KCNQ1OT1: variants seen among roughly 807,000 people sequenced by gnomAD.
The protein encoded by KCNQ1OT1 is KCNQ1 antisense RNA 2 (non-protein coding).
chr11:2,646,525 T>G (rs915929476), exon 1 of KCNQ1OT1: 6 of 398,512 alleles, frequency 1.5e-5, no homozygotes, highest in African/African-American at 1.0e-4. Context: ...ACTGATTTTT[T>G]GGGGGAGGCA....
chr11:2,648,104 C>G, exon 1 of KCNQ1OT1: 1 of 360,300 alleles, frequency 2.8e-6, no homozygotes. Flanking sequence ...TACTCAGAAG[C>G]TGAGGCAGGA....
exon 1 of KCNQ1OT1, chr11:2,648,985 T>C (rs1161867514): frequency 1.3e-5 from 2 of 158,326 alleles, no homozygotes; most frequent in Non-Finnish European, 2.6e-5. Flanking sequence ...CTTTTTCTTT[T>C]TTTTTTTTTT....
chr11:2,643,990 G>T (rs888829513), exon 1 of KCNQ1OT1: 6 of 398,368 alleles, frequency 1.5e-5, no homozygotes, highest in Non-Finnish European at 2.7e-5. Flanking sequence ...TTGTTCCCTT[G>T]TAAGTGTCTA....
exon 1 of KCNQ1OT1, chr11:2,619,899 A>C (rs2412058): frequency 2.5e-6 from 1 of 397,888 alleles, no homozygotes. Flanking sequence ...GTACAGGTCT[A>C]TATGTTGCAT....
rs1159434283 is a variant in KCNQ1OT1 at position 2,691,282 on chromosome 11, G to C, written n.8713C>G. 5.0e-6 allele frequency: 2 copies of C among 398,476 alleles called. No individual in the cohort carries two copies. Among genetic ancestry groups the C allele is most frequent in the Non-Finnish European group, 8.8e-6 (2 of 226,080 alleles). The allele number at this position is 398,476 out of a possible 1,614,324, so 24.7% of individuals were successfully genotyped here. On this transcript the variant is annotated non_coding_transcript_exon_variant, in exon 1 of 1. Transcript: ENST00000597346. This position sits in a 1 kb window ranked among gnomAD's most constrained non-coding sequence, Gnocchi z 6.4. ...GCTGTTTGAGCCACTAATCAGGAAG[G>C]AGAGCTGACAAGAAAAAGGCGATGT...
rs1258844160 is a variant in KCNQ1OT1, at chr11:2,653,473, T to C, written n.46522A>G. 2.0e-5 allele frequency: 8 copies of C among 397,684 alleles called. No homozygotes were observed. The highest frequency in any genetic ancestry group is 3.1e-5 in the Non-Finnish European group (7 of 225,942). The allele number at this position is 397,684 out of a possible 1,614,324, so 24.6% of individuals were successfully genotyped here. On this transcript the variant is annotated non_coding_transcript_exon_variant, in exon 1 of 1. Transcript: ENST00000597346. The surrounding 1 kb of genome is among the most constrained non-coding windows in gnomAD (Gnocchi z 5.3). ...TTTGGCTCACACAGCTGGACCCAGC[T>C]GTTTCAGACACAGCTGGACCCCAGA...
In KCNQ1OT1 at chr11:2,682,677, T is replaced by C. The variant is rs1397200038; in HGVS notation, n.17318A>G. 2.5e-6 allele frequency: 1 copy of C among 398,474 alleles called. No individual in the cohort carries two copies. The highest frequency in any genetic ancestry group is 4.4e-6 in the Non-Finnish European group (1 of 226,072). 24.7% of individuals were successfully genotyped at this position (398,474 alleles called of 1,614,324 possible). ...GCTCATGTCCACATGCTATTGTCCATAGAAGCTGGGGTCCAAAGTTGACCA... is the reference window on the plus strand; with the variant it reads ...GCTCATGTCCACATGCTATTGTCCACAGAAGCTGGGGTCCAAAGTTGACCA... On this transcript the variant is annotated non_coding_transcript_exon_variant, in exon 1 of 1. Coordinates refer to ENST00000597346, the Ensembl canonical transcript of KCNQ1OT1. This position sits in a 1 kb window ranked among gnomAD's most constrained non-coding sequence, Gnocchi z 5.8.
chr11:2,697,858 C>G (rs1010742478), exon 1 of KCNQ1OT1: 4 of 398,622 alleles, frequency 1.0e-5, no homozygotes, highest in South Asian at 2.5e-4. Flanking sequence ...TGGACATGCT[C>G]TGATTCGCAA....
chr11:2,631,387 T>C (rs949444085), exon 1 of KCNQ1OT1: 4 of 398,488 alleles, frequency 1.0e-5, no homozygotes, highest in African/African-American at 8.2e-5. Flanking sequence ...TATTTCACTT[T>C]TCATTTCATG....
At chr11:2,686,616 C>T (rs775737846) in exon 1 of KCNQ1OT1, 8 of 398,546 alleles carry the variant, frequency 2.0e-5, no homozygotes, top group Middle Eastern at 6.2e-4. Context: ...TTCACATGAG[C>T]GTGGCTGCCC....
chr11:2,643,853 A>G, exon 1 of KCNQ1OT1: 1 of 398,564 alleles, frequency 2.5e-6, no homozygotes, highest in Non-Finnish European at 4.4e-6. Flanking sequence ...GACGAATATA[A>G]CTTTGCTAAG....
Position 2,657,876 on chromosome 11 carries a change from C to A in KCNQ1OT1, n.42119G>T, listed in dbSNP as rs1849877825. ...GGGTTATAGGTTTAGGGGAAGGAGG[C>A]CAGTGAGGTGAGATGCTTTCCTCAT... On this transcript the variant is annotated non_coding_transcript_exon_variant, in exon 1 of 1. Coordinates refer to ENST00000597346, the Ensembl canonical transcript of KCNQ1OT1. This position sits in a 1 kb window ranked among gnomAD's most constrained non-coding sequence, Gnocchi z 4.8. The A allele has an allele frequency of 1.0e-5, 4 of 398,430 alleles. No homozygotes were observed. Among genetic ancestry groups the A allele is most frequent in the African/African-American group, 2.1e-5 (1 of 48,606 alleles). 24.7% of individuals were successfully genotyped at this position (398,430 alleles called of 1,614,324 possible).
chr11:2,699,983 G>C (rs183841991), exon 1 of KCNQ1OT1: 127 of 398,298 alleles, frequency 3.2e-4, no homozygotes, highest in African/African-American at 1.9e-3. Context: ...GAGGCGACGC[G>C]GCGACCGTTC....
exon 1 of KCNQ1OT1, chr11:2,684,227 C>T (rs1322746986): frequency 1.0e-5 from 4 of 398,520 alleles, no homozygotes; most frequent in Middle Eastern, 1.2e-3. Flanking sequence ...TGTCTGTTAA[C>T]TGACCCTACC....
exon 1 of KCNQ1OT1, chr11:2,684,586 G>A: frequency 2.5e-6 from 1 of 398,670 alleles, no homozygotes; most frequent in Non-Finnish European, 4.4e-6. Flanking sequence ...GCAGAGGAGA[G>A]TGACTGTCCT....
chr11:2,682,400 C>A lies in KCNQ1OT1; in HGVS notation n.17595G>T, dbSNP rs887722791. The A allele has an allele frequency of 3.0e-5, 12 of 398,494 alleles. No homozygotes were observed. The Admixed American group carries it at 4.4e-4, about 15-fold the overall frequency. 24.7% of individuals were successfully genotyped at this position (398,494 alleles called of 1,614,324 possible). A position where few individuals can be genotyped will look rare whatever the true frequency, so the allele number is the denominator to read the frequency against. ...CAAGGAGCATGAGGGTATAGGCTGG[C>A]TGTTTCTATTCAGTGTTTTATCTTC... On this transcript the variant is annotated non_coding_transcript_exon_variant, in exon 1 of 1. Transcript: ENST00000597346. This position sits in a 1 kb window ranked among gnomAD's most constrained non-coding sequence, Gnocchi z 5.8.
chr11:2,671,163 A>G lies in KCNQ1OT1; in HGVS notation n.28832T>C. 1 of 398,646 alleles carries G rather than the reference A, an allele frequency of 2.5e-6. No individual in the cohort carries two copies. The highest frequency in any genetic ancestry group is 4.4e-6 in the Non-Finnish European group (1 of 226,090). The allele number at this position is 398,646 out of a possible 1,614,324, so 24.7% of individuals were successfully genotyped here. ...GGGAGGCCTGAGGTGCCATCTTAGA[A>G]ATAGGGCCTTGTTAGGAGAAAAGGA... On this transcript the variant is annotated non_coding_transcript_exon_variant, in exon 1 of 1. Coordinates refer to ENST00000597346, the Ensembl canonical transcript of KCNQ1OT1. This position sits in a 1 kb window ranked among gnomAD's most constrained non-coding sequence, Gnocchi z 4.7.
chr11:2,672,207 A>C (rs1850195989), exon 1 of KCNQ1OT1: 1 of 398,440 alleles, frequency 2.5e-6, no homozygotes. Context: ...TGTTAAGTTA[A>C]ATTGAATTCC....
chr11:2,652,148 C>G lies in KCNQ1OT1; in HGVS notation n.47847G>C, dbSNP rs185446735. The G allele has an allele frequency of 2.5e-6, 1 of 398,492 alleles. No homozygotes were observed. Among genetic ancestry groups the G allele is most frequent in the South Asian group, 1.3e-4 (1 of 7,856 alleles). 24.7% of individuals were successfully genotyped at this position (398,492 alleles called of 1,614,324 possible). A position where few individuals can be genotyped will look rare whatever the true frequency, so the allele number is the denominator to read the frequency against. The stretch of plus-strand genomic sequence containing the variant: ...GGAAGGGACCTGTGTTTCTCAAGCC[C>G]GCGCCCTCGGGGCCTGGGGGTGGGG... On this transcript the variant is annotated non_coding_transcript_exon_variant, in exon 1 of 1. Coordinates refer to ENST00000597346, the Ensembl canonical transcript of KCNQ1OT1. This position sits in a 1 kb window ranked among gnomAD's most constrained non-coding sequence, Gnocchi z 5.9.
Sources: gnomAD v4.1 joint callset for allele counts on GRCh38, gnomAD v4.1.1 for gene constraint, Gnocchi (gnomAD v3.1) non-coding constraint, MANE v1.5 for transcripts, NCBI Gene and HGNC (gene_info 2026-07-23, HGNC 2026-07-21) for gene names.